Variants in CRACR2A observed in about 807,000 individuals in gnomAD.
The protein encoded by CRACR2A is calcium release activated channel regulator 2A.
A neutral mutation model predicts 90.5 loss-of-function variants in CRACR2A; 79 were observed. That is an observed-to-expected ratio of 0.87 (90% CI 0.73 to 1.05). CRACR2A has a LOEUF of 1.05. CRACR2A is among the 50% of genes least tolerant of loss of function. The pLI is 0.00. For missense variants in CRACR2A, 823 were observed against 897.2 expected, an observed-to-expected ratio of 0.92 and a Z score of 1.06; for synonymous variants, 338 against 356.7, an observed-to-expected ratio of 0.95 and a Z score of 0.59.
intron 3 of CRACR2A, 102 bp from the exon 4 acceptor site, chr12:3,697,137 T>G: frequency 7.3e-7 from 1 of 1,374,186 alleles, no homozygotes; most frequent in Non-Finnish European, 9.6e-7. Flanking sequence ...CATACACCAG[T>G]GTGTCCAGGA....
chr12:3,721,386 A>G (rs1946171188), intron 2 of CRACR2A, among the ~76,000 whole-genome samples: 1 of 147,608 alleles, frequency 6.8e-6, no homozygotes, highest in East Asian at 1.9e-4. Flanking sequence ...AAAAAAAGAA[A>G]GAAAGAAAAG....
At chr12:3,704,305 A>G (rs1034769556) in intron 3 of CRACR2A, among the ~76,000 whole-genome samples, 11 of 152,360 alleles carry the variant, frequency 7.2e-5, no homozygotes, top group African/African-American at 2.6e-4. Flanking sequence ...AGAAAGGCAC[A>G]TTTCATTTAT....
At chr12:3,743,637 T>A (rs565863580) in intron 1 of CRACR2A, among the ~76,000 whole-genome samples, 3 of 152,314 alleles carry the variant, frequency 2.0e-5, no homozygotes, top group Non-Finnish European at 2.9e-5. Context: ...TTTCCTCAAC[T>A]GTAAAAAGGA....
At chr12:3,673,294 A>G in intron 7 of CRACR2A, 152 bp downstream of exon 7, 1 of 882,918 alleles carries the variant, frequency 1.1e-6, no homozygotes, top group Non-Finnish European at 1.7e-6. Context: ...AAATACATAT[A>G]TCGTGACAGA....
In CRACR2A at chr12:3,633,843, C is replaced by G; in HGVS notation, c.1603-107G>C. 1 of 1,461,056 alleles carries G rather than the reference C, an allele frequency of 6.8e-7. No homozygotes were observed. The highest frequency in any genetic ancestry group is 9.2e-7 in the Non-Finnish European group (1 of 1,085,518). 90.5% of individuals were successfully genotyped at this position (1,461,056 alleles called of 1,614,324 possible). On this transcript the variant is annotated intron_variant, in intron 14 of 19. Transcript: ENST00000440314. This position sits in a 1 kb window ranked among gnomAD's most constrained non-coding sequence, Gnocchi z 4.5. Reference sequence around the variant, plus strand: ...TCCCTACAGTGGCCCTCAGGAGGTGCAGACCGGCCTCTAGACCTGCACCAG... The same window carrying G: ...TCCCTACAGTGGCCCTCAGGAGGTGGAGACCGGCCTCTAGACCTGCACCAG...
intron 3 of CRACR2A, among the ~76,000 whole-genome samples, chr12:3,710,441 T>C (rs1945991255): frequency 6.6e-6 from 1 of 152,114 alleles, no homozygotes; most frequent in Admixed American, 6.5e-5. Context: ...TGGGTTCTGG[T>C]GAGGGCCCTC....
At chr12:3,661,569 C>G (rs1364209002) in intron 7 of CRACR2A, among the ~76,000 whole-genome samples, 4 of 152,196 alleles carry the variant, frequency 2.6e-5, no homozygotes, top group African/African-American at 9.6e-5. Context: ...TGAGCTAACT[C>G]ATAAGAATTA....
Position 3,633,845 on chromosome 12 carries a change from G to T in CRACR2A, c.1603-109C>A. ...CCTACAGTGGCCCTCAGGAGGTGCA[G>T]ACCGGCCTCTAGACCTGCACCAGGA... On this transcript the variant is annotated intron_variant, in intron 14 of 19. Transcript: ENST00000440314. The surrounding 1 kb of genome is among the most constrained non-coding windows in gnomAD (Gnocchi z 4.5). 6.9e-7 allele frequency: 1 copy of T among 1,455,442 alleles called. No homozygotes were observed. Among genetic ancestry groups the T allele is most frequent in the South Asian group, 1.3e-5 (1 of 76,788 alleles). 90.2% of individuals were successfully genotyped at this position (1,455,442 alleles called of 1,614,324 possible). A position where few individuals can be genotyped will look rare whatever the true frequency, so the allele number is the denominator to read the frequency against.
chr12:3,679,124 C>G, intron 5 of CRACR2A, 26 bp from the exon 6 acceptor site: 2 of 1,588,636 alleles, frequency 1.3e-6, no homozygotes, highest in African/African-American at 1.4e-5. Flanking sequence ...CACAAGGATC[C>G]GAATTAGACC....
chr12:3,616,788 C>T (rs1432316374), intron 19 of CRACR2A, among the ~76,000 whole-genome samples, 166 bp downstream of exon 19: 2 of 152,202 alleles, frequency 1.3e-5, no homozygotes, highest in Non-Finnish European at 2.9e-5. Flanking sequence ...TGTTGCAATC[C>T]CATACAAAGG....
intron 1 of CRACR2A, among the ~76,000 whole-genome samples, chr12:3,741,126 A>G (rs1946518526): frequency 1.3e-5 from 2 of 152,094 alleles, no homozygotes; most frequent in South Asian, 4.1e-4. Context: ...ACAAAGCCTC[A>G]TTTTTCCATT....
intron 2 of CRACR2A, among the ~76,000 whole-genome samples, chr12:3,714,971 T>G (rs1591707052): frequency 6.6e-6 from 1 of 152,242 alleles, no homozygotes. Context: ...ACTGCCCATC[T>G]GTAGCAGACC....
At position 3,615,413 on chromosome 12, in the gene CRACR2A, A is replaced by T; in HGVS notation, c.2138T>A (p.Val713Glu). Residue 713 changes from valine (V) to glutamate (E), a missense_variant, in exon 20 of 20, where the codon GTG becomes GAG. Coordinates refer to ENST00000440314, the MANE Select transcript of CRACR2A (RefSeq NM_001144958.2). The stretch of plus-strand genomic sequence containing the variant: ...GCCGACCTGAATGGTGTCCTCTCTC[A>T]CTGTGTCTTCTTGCTCCTTGAGGAA... ...ARFLKEQEDT[V>E]REDTIQVGHP... 1 of 1,551,226 alleles carries T rather than the reference A, an allele frequency of 6.4e-7. No homozygotes were observed. Among genetic ancestry groups the T allele is most frequent in the Non-Finnish European group, 8.7e-7 (1 of 1,146,740 alleles).
At chr12:3,659,794 A>C (rs1944994408) in intron 7 of CRACR2A, 140 bp from the exon 8 acceptor site, 1 of 666,622 alleles carries the variant, frequency 1.5e-6, no homozygotes, top group African/African-American at 1.8e-5. Flanking sequence ...CCAACGCTAT[A>C]AGATCAGTCC....
At chr12:3,688,872 T>G (rs1426713981) in intron 4 of CRACR2A, among the ~76,000 whole-genome samples, 3 of 152,182 alleles carry the variant, frequency 2.0e-5, no homozygotes, top group Non-Finnish European at 4.4e-5. Flanking sequence ...CTGAGCAGTG[T>G]TTTTAGTTCT....
At chr12:3,634,023 A>G (rs6489489) in intron 14 of CRACR2A, among the ~76,000 whole-genome samples, 98,042 of 152,032 alleles carry the variant, frequency 0.64, 31,904 homozygotes, top group African/African-American at 0.74. Context: ...CCTGGATTCC[A>G]GTGGGGTGGA....
intron 1 of CRACR2A, among the ~76,000 whole-genome samples, chr12:3,748,071 G>C (rs146844092): frequency 0.024 from 3,583 of 152,192 alleles, 69 homozygotes; most frequent in Middle Eastern, 0.041. Context: ...CAGGCTCAGG[G>C]GTACACTACG....
chr12:3,668,356 G>A (rs12298364), intron 7 of CRACR2A, among the ~76,000 whole-genome samples: 6,323 of 152,200 alleles, frequency 0.042, 442 homozygotes, highest in African/African-American at 0.14. Context: ...TATCAGAACC[G>A]CCTGGGATGT....
chr12:3,626,208 C>T (rs187676010), intron 17 of CRACR2A, among the ~76,000 whole-genome samples: 1 of 146,570 alleles, frequency 6.8e-6, no homozygotes, highest in Non-Finnish European at 1.5e-5. Context: ...AGACGGGTGA[C>T]CCAGACATGC....
Sources: allele counts gnomAD v4.1 joint callset (sites outside exome capture counted in the v4.1 genomes callset), GRCh38; gene constraint gnomAD v4.1.1; non-coding constraint Gnocchi (gnomAD v3.1); transcripts MANE v1.5; gene names NCBI Gene and HGNC (gene_info 2026-07-23, HGNC 2026-07-21).